Variants in LRRC8C observed in about 807,000 individuals in gnomAD.
The protein encoded by LRRC8C is leucine rich repeat containing 8 VRAC subunit C, also known as volume-regulated anion channel subunit LRRC8C.
LRRC8C carries 20 observed loss-of-function variants against 55.3 expected under a neutral mutation model. That is an observed-to-expected ratio of 0.36 (90% confidence interval 0.25 to 0.53). LRRC8C has a LOEUF of 0.53. LRRC8C is among the 20% of genes least tolerant of loss of function. The probability of loss-of-function intolerance (pLI) is 0.92; values close to 1 mark genes in which losing one functional copy is unlikely to be tolerated. For missense variants in LRRC8C, 659 were observed against 951.4 expected (o/e 0.69, Z 4.04); for synonymous variants, 376 against 360.7 (o/e 1.04, Z -0.48).
At chr1:89,651,032 C>G (rs1380020658) in intron 1 of LRRC8C, among the ~76,000 whole-genome samples, 2 of 152,106 alleles carry the variant, frequency 1.3e-5, no homozygotes, top group African/African-American at 4.8e-5. Context: ...ATCCAGTGAT[C>G]AAGAAGCATA....
At chr1:89,617,840 T>A in the LRRC8C span, among the ~76,000 whole-genome samples, 1 of 152,184 alleles carries the variant, frequency 6.6e-6, no homozygotes, top group African/African-American at 2.4e-5. Context: ...CAGATTTGAT[T>A]ACAGACTTTT....
At chr1:89,676,524 G>A (rs1424205488) in intron 1 of LRRC8C, 4 of 152,158 alleles carry the variant, frequency 2.6e-5, no homozygotes, top group African/African-American at 9.7e-5. Context: ...TATCTAAGGG[G>A]ATAATAACGT....
chr1:89,659,061 T>TTTTTTGTGTGTG (rs1294718324), intron 1 of LRRC8C, among the ~76,000 whole-genome samples: 1 of 53,984 alleles, frequency 1.9e-5, no homozygotes, highest in East Asian at 7.1e-4. Flanking sequence ...TTTTTTTTTT[T>TTTTTTGTGTGTG]TGTGTGTGTG....
the LRRC8C span, among the ~76,000 whole-genome samples, chr1:89,621,417 C>G: frequency 6.6e-6 from 1 of 152,002 alleles, no homozygotes; most frequent in Admixed American, 6.6e-5. Context: ...TGCAGCGAGC[C>G]GAGATCGCCA....
In LRRC8C at chr1:89,713,499, A is replaced by G; in HGVS notation, c.929A>G (p.His310Arg). Residue 310 changes from histidine to arginine, a missense_variant, in exon 3 of 3, where the codon CAT becomes CGT. By Grantham distance (29) the His-to-Arg change is conservative. This residue lies in a region of LRRC8C where 200 missense variants were observed against 360.5 expected (regional missense o/e 0.55). Coordinates refer to ENST00000370454, the MANE Select transcript of LRRC8C (RefSeq NM_032270.5). The surrounding 1 kb of genome is among the most constrained non-coding windows in gnomAD (Gnocchi z 5.2). ...GGATATAAAAACTTTTCTTGCAATC[A>G]TACCATGGCACACTTGTTCTCAAAA... ...MTGYKNFSCN[H>R]TMAHLFSKLS... 6.2e-7 allele frequency: 1 copy of G among 1,614,168 alleles called. No homozygotes were observed. Among genetic ancestry groups the G allele is most frequent in the Non-Finnish European group, 8.5e-7 (1 of 1,180,028 alleles).
At chr1:89,658,222 C>T (rs765297794) in intron 1 of LRRC8C, among the ~76,000 whole-genome samples, 1 of 151,958 alleles carries the variant, frequency 6.6e-6, no homozygotes, top group Non-Finnish European at 1.5e-5. Context: ...ATATTTCTGC[C>T]CGACCTCTTC....
rs1214593926 is a variant in LRRC8C, at chr1:89,714,552, G to A, written c.1982G>A (p.Ser661Asn). ...YIPEHIKKLTSLERLSFSHNK... is the reference protein window; with the variant it reads ...YIPEHIKKLTNLERLSFSHNK... ...CCAGAGCATATAAAGAAACTCACCA[G>A]CCTGGAACGCCTGTCCTTTAGTCAC... is the stretch of plus-strand genomic sequence containing the variant. The change falls in exon 3 of 3, where the codon AGC (serine) becomes AAC (asparagine). Residue 661 changes from serine (S) to asparagine (N), a missense_variant. By Grantham distance (46) the Ser-to-Asn change is conservative. This residue lies in a region of LRRC8C where 344 missense variants were observed against 464.6 expected (regional missense o/e 0.74). Coordinates refer to ENST00000370454, the MANE Select transcript of LRRC8C (RefSeq NM_032270.5). This position sits in a 1 kb window ranked among gnomAD's most constrained non-coding sequence, Gnocchi z 4.6. 6.2e-7 allele frequency: 1 copy of A among 1,614,012 alleles called. No individual in the cohort carries two copies. Among genetic ancestry groups the A allele is most frequent in the African/African-American group, 1.3e-5 (1 of 74,908 alleles).
the LRRC8C span, among the ~76,000 whole-genome samples, chr1:89,622,648 T>C: frequency 6.6e-6 from 1 of 152,108 alleles, no homozygotes; most frequent in African/African-American, 2.4e-5. Flanking sequence ...GTGAAATCTT[T>C]AACATCATGC....
intron 1 of LRRC8C, among the ~76,000 whole-genome samples, chr1:89,643,390 A>G (rs1656523285): frequency 6.6e-6 from 1 of 152,254 alleles, no homozygotes; most frequent in African/African-American, 2.4e-5. Context: ...CTGGGAGGAC[A>G]TATTCTTAAT....
At chr1:89,622,997 C>T in the LRRC8C span, among the ~76,000 whole-genome samples, 30 of 152,124 alleles carry the variant, frequency 2.0e-4, no homozygotes, top group African/African-American at 6.5e-4. Flanking sequence ...ATTCGAGACA[C>T]TTAAGAGATC....
At chr1:89,670,396 A>T (rs1657383234) in intron 1 of LRRC8C, among the ~76,000 whole-genome samples, 1 of 152,140 alleles carries the variant, frequency 6.6e-6, no homozygotes, top group African/African-American at 2.4e-5. Flanking sequence ...TTAGCCTGTT[A>T]TACCCTCATG....
the LRRC8C span, among the ~76,000 whole-genome samples, chr1:89,616,712 T>A: frequency 0.29 from 44,150 of 151,998 alleles, 8,307 homozygotes; most frequent in African/African-American, 0.53. Flanking sequence ...AGGAGGCTCA[T>A]AGATGGAAAC....
At position 89,715,029 on chromosome 1, in the gene LRRC8C, A is replaced by G. The variant is rs748320626; in HGVS notation, c.*47A>G. The G allele has an allele frequency of 2.2e-6, 3 of 1,356,394 alleles. No individual in the cohort carries two copies. In the South Asian group the frequency reaches 4.7e-5, roughly 21 times the overall value. 84.0% of individuals were successfully genotyped at this position (1,356,394 alleles called of 1,614,324 possible). ...ACTGAAACACGCTTCTACCAAATAC[A>G]GTATAAATAATTAGGTAGTCTTAAT... is the stretch of plus-strand genomic sequence containing the variant. On this transcript the variant is annotated 3_prime_UTR_variant, in exon 3 of 3. Transcript: ENST00000370454.
intron 1 of LRRC8C, among the ~76,000 whole-genome samples, chr1:89,641,669 C>T (rs1477532946): frequency 6.6e-6 from 1 of 152,124 alleles, no homozygotes; most frequent in Non-Finnish European, 1.5e-5. Context: ...TTGTTACCTA[C>T]TCATTAACTT....
At chr1:89,701,600 G>A (rs1658327823) in intron 2 of LRRC8C, among the ~76,000 whole-genome samples, 1 of 152,092 alleles carries the variant, frequency 6.6e-6, no homozygotes, top group East Asian at 1.9e-4. Flanking sequence ...CCTTTCTGGT[G>A]GGGAGGGAAT....
At chr1:89,710,756 C>A (rs1209144320) in intron 2 of LRRC8C, among the ~76,000 whole-genome samples, 1 of 152,182 alleles carries the variant, frequency 6.6e-6, no homozygotes, top group African/African-American at 2.4e-5. Flanking sequence ...TAGGACATGG[C>A]AAGCAGTAAG....
intron 2 of LRRC8C, among the ~76,000 whole-genome samples, chr1:89,690,729 A>G (rs1658005078): frequency 6.6e-6 from 1 of 152,174 alleles, no homozygotes; most frequent in Non-Finnish European, 1.5e-5. Flanking sequence ...TGCTGGTCAG[A>G]ATCATCTTCC....
the LRRC8C span, among the ~76,000 whole-genome samples, chr1:89,624,197 A>G: frequency 6.6e-6 from 1 of 152,214 alleles, no homozygotes; most frequent in Non-Finnish European, 1.5e-5. Flanking sequence ...CTTTGGAGAA[A>G]AACATTATCT....
chr1:89,683,765 A>G (rs1021267399), intron 1 of LRRC8C, among the ~76,000 whole-genome samples: 2 of 152,212 alleles, frequency 1.3e-5, no homozygotes, highest in Non-Finnish European at 2.9e-5. Context: ...ATAAATATCT[A>G]CAATGATATA....
Sources: allele counts gnomAD v4.1 joint callset (sites outside exome capture counted in the v4.1 genomes callset), GRCh38; gene constraint gnomAD v4.1.1; regional missense constraint gnomAD v4.1.1; non-coding constraint Gnocchi (gnomAD v3.1); transcripts MANE v1.5; gene names NCBI Gene and HGNC (gene_info 2026-07-23, HGNC 2026-07-21).